The following TNPO1 variants were observed in gnomAD, a reference collection of about 807,000 sequenced individuals.
TNPO1 encodes transportin-1.
TNPO1 carries 8 observed loss-of-function variants against 119.5 expected under a neutral mutation model. That is an observed-to-expected ratio of 0.07 (90% CI 0.04 to 0.12). The LOEUF is 0.12. Ranked by LOEUF, TNPO1 falls within the 10% of genes least tolerant of loss-of-function variation. The pLI is 1.00. For missense variants in TNPO1, 576 were observed against 1,089.8 expected, an observed-to-expected ratio of 0.53 and a Z score of 6.64; for synonymous variants, 362 against 363.0, an observed-to-expected ratio of 1.00 and a Z score of 0.03.
chr5:72,879,886 A>T (rs1184062676), intron 9 of TNPO1, among the ~76,000 whole-genome samples: 1 of 152,176 alleles, frequency 6.6e-6, no homozygotes, highest in East Asian at 1.9e-4. Context: ...ATATAAACTC[A>T]TTTAGAAAGC....
intron 2 of TNPO1, 65 bp from the exon 3 acceptor site, chr5:72,851,179 T>A: frequency 9.8e-7 from 1 of 1,021,530 alleles, no homozygotes; most frequent in Non-Finnish European, 1.5e-6. Context: ...GATTTTTAGA[T>A]TTAAAATGCT....
In TNPO1 at chr5:72,888,023, A is replaced by G. The variant is rs7720717; in HGVS notation, c.1304-55A>G. On this transcript the variant is annotated intron_variant, in intron 12 of 24. Transcript: ENST00000337273. ...GATACGTGTTTTATTTTCATAATCA[A>G]CCAAAATAATGTTAACTAAATTTTA... 256,349 of 1,537,496 alleles carry G rather than the reference A, an allele frequency of 0.17. 22,917 individuals are homozygous for G. The highest frequency in any genetic ancestry group is 0.28 in the African/African-American group (20,072 of 72,976).
intron 20 of TNPO1, among the ~76,000 whole-genome samples, chr5:72,897,734 A>T (rs1473361350): frequency 6.6e-6 from 1 of 150,480 alleles, no homozygotes; most frequent in Non-Finnish European, 1.5e-5. Context: ...TTGTGGGTGG[A>T]TTCGGTCCTT....
rs1033473669 is a variant in TNPO1, at chr5:72,863,027, G to GT, written c.462+1121dup. 4.2e-5 allele frequency among the ~76,000 whole-genome samples: 5 copies of GT among 120,096 alleles called. No individual in the cohort carries two copies. In the East Asian group the frequency reaches 8.7e-4, roughly 21 times the overall value. 78.8% of individuals were successfully genotyped at this position (120,096 alleles called of 152,430 possible). On this transcript the variant is annotated intron_variant, in intron 5 of 24. Transcript: ENST00000337273. ...GTGTGTGTGTGTGTGTGTGTGTGTG[G>GT]TTTTTTTTGTTGTTTTTTTGGGGTT...
At chr5:72,827,767 T>A (rs188962296) in intron 1 of TNPO1, among the ~76,000 whole-genome samples, 208 of 151,896 alleles carry the variant, frequency 1.4e-3, no homozygotes, top group African/African-American at 4.8e-3. Context: ...ATTTTTTTTT[T>A]AAATTAGCTG....
chr5:72,882,986 A>G (rs553911526), intron 10 of TNPO1, 78 bp from the exon 11 acceptor site: 16 of 1,010,394 alleles, frequency 1.6e-5, no homozygotes, highest in South Asian at 9.9e-5. Context: ...ATCTCTGGAT[A>G]TTCTGTTTCT....
intron 1 of TNPO1, among the ~76,000 whole-genome samples, chr5:72,841,311 G>C (rs1397152605): frequency 6.6e-6 from 1 of 151,924 alleles, no homozygotes; most frequent in African/African-American, 2.4e-5. Flanking sequence ...TAGAGATGGG[G>C]TTTCACCATG....
intron 1 of TNPO1, among the ~76,000 whole-genome samples, chr5:72,844,114 C>G (rs1226422774): frequency 1.3e-5 from 2 of 152,218 alleles, no homozygotes; most frequent in Admixed American, 6.5e-5. Context: ...TGAAAAGACA[C>G]TGTCCCTGCT....
At chr5:72,862,627 A>G (rs926563896) in intron 5 of TNPO1, among the ~76,000 whole-genome samples, 5 of 151,040 alleles carry the variant, frequency 3.3e-5, no homozygotes, top group African/African-American at 1.2e-4. Context: ...GCACTTCACT[A>G]AACTTGTCTT....
chr5:72,820,976 A>C (rs1030369841), intron 1 of TNPO1, among the ~76,000 whole-genome samples: 9 of 152,194 alleles, frequency 5.9e-5, no homozygotes, highest in Non-Finnish European at 8.8e-5. Flanking sequence ...CAAATAGGTG[A>C]GAGAAAACCA....
At chr5:72,860,311 C>T (rs998531229) in intron 4 of TNPO1, among the ~76,000 whole-genome samples, 1 of 152,074 alleles carries the variant, frequency 6.6e-6, no homozygotes, top group Non-Finnish European at 1.5e-5. Context: ...TCATATTTTG[C>T]AGCTTAGAAT....
intron 6 of TNPO1, among the ~76,000 whole-genome samples, chr5:72,872,133 T>TG (rs1446904299): frequency 6.6e-6 from 1 of 152,146 alleles, no homozygotes; most frequent in Admixed American, 6.5e-5. Flanking sequence ...TCATTAACCC[T>TG]GGTAAGAGAT....
At position 72,903,762 on chromosome 5, in the gene TNPO1, T is replaced by A; in HGVS notation, c.2568T>A (p.Asp856Glu). The A allele has an allele frequency of 1.2e-6, 2 of 1,608,708 alleles. No homozygotes were observed. Among genetic ancestry groups the A allele is most frequent in the Non-Finnish European group, 1.7e-6 (2 of 1,177,164 alleles). The change falls in exon 23 of 25, where the codon GAT becomes GAA. Residue 856 changes from aspartate to glutamate, a missense_variant. Asp to Glu is a conservative substitution (Grantham distance 45). Transcript: ENST00000337273. ...AVASWINPKD[D>E]LRDMFCKILH... is the part of the protein sequence containing the mutation. Reference sequence around the variant, plus strand: ...CATCATGGATTAACCCAAAAGATGATCTCAGAGACATGTTCTGTAAGGTAA... The same window carrying A: ...CATCATGGATTAACCCAAAAGATGAACTCAGAGACATGTTCTGTAAGGTAA...
rs77348955 is a variant in TNPO1 at position 72,907,612 on chromosome 5, T to C, written c.*36-1097T>C. ...TTTAAATCTCCCAGTAATCTTACCT[T>C]ATTTCTTAATATCCTTTTTATCATT... On this transcript the variant is annotated intron_variant, in intron 24 of 24. Coordinates refer to ENST00000337273, the MANE Select transcript of TNPO1 (RefSeq NM_002270.4). 4.7e-3 allele frequency among the ~76,000 whole-genome samples: 722 copies of C among 152,338 alleles called. 7 individuals carry two copies. The highest frequency in any genetic ancestry group is 0.017 in the African/African-American group (701 of 41,582).
chr5:72,883,432 A>G (rs1479617796), intron 11 of TNPO1, among the ~76,000 whole-genome samples, 200 bp downstream of exon 11: 2 of 152,076 alleles, frequency 1.3e-5, no homozygotes, highest in Non-Finnish European at 1.5e-5. Context: ...GTAACTCCCT[A>G]TTGTTCACTG....
At chr5:72,874,669 TCA>T (rs1561333120) in intron 7 of TNPO1, among the ~76,000 whole-genome samples, 1 of 152,200 alleles carries the variant, frequency 6.6e-6, no homozygotes, top group Non-Finnish European at 1.5e-5. Flanking sequence ...CAATAGTACT[TCA>T]CACAGTGTCC....
At chr5:72,875,594 A>T in intron 7 of TNPO1, 21 bp from the exon 8 acceptor site, 1 of 1,607,580 alleles carries the variant, frequency 6.2e-7, no homozygotes, top group Non-Finnish European at 8.5e-7. Flanking sequence ...AAACTAGAAA[A>T]AATTATTTCT....
At chr5:72,900,790 A>G in intron 21 of TNPO1, 184 bp from the exon 22 acceptor site, 1 of 402,632 alleles carries the variant, frequency 2.5e-6, no homozygotes, top group Non-Finnish European at 4.5e-6. Context: ...TTTCTACTGT[A>G]TTGAGATAAG....
intron 6 of TNPO1, among the ~76,000 whole-genome samples, chr5:72,865,953 C>T (rs1050418180): frequency 2.0e-5 from 3 of 152,164 alleles, no homozygotes; most frequent in Admixed American, 2.0e-4. Context: ...AGTTTTGTGC[C>T]TTTTACAGTG....
Sources: gnomAD v4.1 joint callset for allele counts (sites outside exome capture counted in the v4.1 genomes callset) on GRCh38, gnomAD v4.1.1 for gene constraint, MANE v1.5 for transcripts, NCBI Gene and HGNC (gene_info 2026-07-23, HGNC 2026-07-21) for gene names.